The following ZDHHC17 variants were observed in gnomAD, a reference collection of about 807,000 sequenced individuals.
ZDHHC17 encodes zDHHC palmitoyltransferase 17.
In ZDHHC17, 40 loss-of-function variants were observed where a neutral mutation model predicts 90.3. The observed-to-expected ratio is 0.44, with a 90% CI of 0.34 to 0.58. The LOEUF is 0.58. Ranked by LOEUF, ZDHHC17 falls within the 20% of genes least tolerant of loss-of-function variation. The pLI, the probability that ZDHHC17 is intolerant of heterozygous loss-of-function variation, is 0.01. For synonymous variants in ZDHHC17, 235 were observed against 252.4 expected (o/e 0.93, Z 0.65); for missense variants, 614 against 780.8 (o/e 0.79, Z 2.55).
intron 16 of ZDHHC17, 115 bp from the exon 17 acceptor site, chr12:76,850,732 A>G: frequency 7.5e-7 from 1 of 1,325,542 alleles, no homozygotes; most frequent in Non-Finnish European, 1.0e-6. Flanking sequence ...TCTTGCAAGT[A>G]ACCTGAGTTT....
At position 76,842,108 on chromosome 12, in the gene ZDHHC17, T is replaced by C. The variant is rs1390800099; in HGVS notation, c.1266+2T>C. ...GCAACAGAAGAGCAAAAGAAAAAGGTAGCAAAATACCAACTAAGTCACTTG... is the reference window on the plus strand; with the variant it reads ...GCAACAGAAGAGCAAAAGAAAAAGGCAGCAAAATACCAACTAAGTCACTTG... On this transcript the variant is annotated splice_donor_variant, in intron 11 of 16. Coordinates refer to ENST00000426126, the MANE Select transcript of ZDHHC17 (RefSeq NM_015336.4). LOFTEE classifies it high-confidence loss of function. 1 of 1,570,868 alleles carries C rather than the reference T, an allele frequency of 6.4e-7. No homozygotes were observed. Among genetic ancestry groups the C allele is most frequent in the Non-Finnish European group, 8.6e-7 (1 of 1,162,244 alleles).
intron 11 of ZDHHC17, among the ~76,000 whole-genome samples, 200 bp from the exon 12 acceptor site, chr12:76,842,719 T>A (rs1479225182): frequency 6.6e-6 from 1 of 152,116 alleles, no homozygotes. Context: ...AATCCCCTTT[T>A]TTCTGGGCAG....
chr12:76,839,455 G>A lies in ZDHHC17; in HGVS notation c.1142-2527G>A, dbSNP rs542092416. Among the ~76,000 whole-genome samples, 144 of 152,196 alleles carry A rather than the reference G, an allele frequency of 9.5e-4. No homozygotes were observed. The South Asian group carries it at 0.014, about 15-fold the overall frequency. ...AGGCACTTGGTTTGTTTGATTTACTGTTTTTAATTCATTTTGCTGAGTATT... is the reference window on the plus strand; with the variant it reads ...AGGCACTTGGTTTGTTTGATTTACTATTTTTAATTCATTTTGCTGAGTATT... On this transcript the variant is annotated intron_variant, in intron 10 of 16. Transcript: ENST00000426126.
chr12:76,830,537 T>C (rs556712210), intron 10 of ZDHHC17, among the ~76,000 whole-genome samples: 1 of 152,310 alleles, frequency 6.6e-6, no homozygotes, highest in South Asian at 2.1e-4. Flanking sequence ...TAAAAATTGT[T>C]CCTCAAGGAT....
chr12:76,769,384 A>G (rs1345488206), intron 1 of ZDHHC17, among the ~76,000 whole-genome samples: 3 of 152,062 alleles, frequency 2.0e-5, no homozygotes, highest in Non-Finnish European at 4.4e-5. Flanking sequence ...TAGTGAAAAG[A>G]ATTTTGCCAT....
intron 12 of ZDHHC17, chr12:76,843,864 T>C (rs969840801): frequency 6.6e-6 from 1 of 152,136 alleles, no homozygotes; most frequent in Non-Finnish European, 1.5e-5. Flanking sequence ...GAAACAGTTC[T>C]AATTCTGAAA....
rs1592479485 is a variant in ZDHHC17 at position 76,808,915 on chromosome 12, T to C, written c.321-128T>C. 8 of 477,030 alleles carry C rather than the reference T, an allele frequency of 1.7e-5. No individual in the cohort carries two copies. In the East Asian group the frequency reaches 3.0e-4, roughly 18 times the overall value. The allele number at this position is 477,030 out of a possible 1,614,324, so 29.5% of individuals were successfully genotyped here. ...TGTTTTTTAAACAACCACAAAAGAT[T>C]ATTTATTTTCAAAGGTTCAAACTAG... On this transcript the variant is annotated intron_variant, in intron 3 of 16. Coordinates refer to ENST00000426126, the MANE Select transcript of ZDHHC17 (RefSeq NM_015336.4).
intron 3 of ZDHHC17, among the ~76,000 whole-genome samples, 188 bp from the exon 4 acceptor site, chr12:76,808,855 C>A (rs1281167342): frequency 6.6e-6 from 1 of 150,648 alleles, no homozygotes; most frequent in Non-Finnish European, 1.5e-5. Flanking sequence ...TATTCTAGAA[C>A]AAAAGAGGTA....
chr12:76,782,922 A>G (rs1019838222), intron 1 of ZDHHC17, among the ~76,000 whole-genome samples: 1 of 152,128 alleles, frequency 6.6e-6, no homozygotes, highest in East Asian at 1.9e-4. Context: ...AAACAACTTA[A>G]CAGAATTCCC....
At chr12:76,787,842 A>G (rs949857111) in intron 1 of ZDHHC17, among the ~76,000 whole-genome samples, 1 of 152,216 alleles carries the variant, frequency 6.6e-6, no homozygotes, top group Non-Finnish European at 1.5e-5. Context: ...TTTACACACT[A>G]CTTACCAAAC....
At chr12:76,849,340 AAC>A (rs753976108) in intron 15 of ZDHHC17, 34 bp from the exon 16 acceptor site, 8 of 1,131,988 alleles carry the variant, frequency 7.1e-6, no homozygotes, top group South Asian at 1.5e-5. Context: ...AAAAAAAAAA[AAC>A]AAGAATAATG....
chr12:76,816,509 A>G (rs1438708535), intron 7 of ZDHHC17, among the ~76,000 whole-genome samples: 3 of 152,066 alleles, frequency 2.0e-5, no homozygotes, highest in African/African-American at 4.8e-5. Context: ...TCTTTTAATC[A>G]TATGCATTCA....
chr12:76,819,206 T>C (rs558263526), intron 7 of ZDHHC17, among the ~76,000 whole-genome samples: 1 of 152,224 alleles, frequency 6.6e-6, no homozygotes, highest in South Asian at 2.1e-4. Flanking sequence ...GTGATAGGAA[T>C]TGGTTCTGTT....
At chr12:76,817,703 T>G (rs904120342) in intron 7 of ZDHHC17, among the ~76,000 whole-genome samples, 27 of 152,252 alleles carry the variant, frequency 1.8e-4, no homozygotes, top group African/African-American at 6.5e-4. Context: ...TGAAGACTTG[T>G]ACTTCTCATT....
At chr12:76,796,542 C>G (rs893815994) in intron 1 of ZDHHC17, among the ~76,000 whole-genome samples, 2 of 151,782 alleles carry the variant, frequency 1.3e-5, no homozygotes, top group Non-Finnish European at 2.9e-5. Flanking sequence ...TATATAAAAT[C>G]TTTTTAAAAG....
chr12:76,781,801 C>G (rs1952630209), intron 1 of ZDHHC17: 1 of 390,730 alleles, frequency 2.6e-6, no homozygotes, highest in Non-Finnish European at 5.1e-6. Flanking sequence ...AATGTAATAC[C>G]ATTTAGCAAT....
chr12:76,826,816 C>T (rs548650333), intron 8 of ZDHHC17, 92 bp from the exon 9 acceptor site: 23 of 1,294,814 alleles, frequency 1.8e-5, no homozygotes, highest in Non-Finnish European at 2.3e-5. Flanking sequence ...GAATTTCACC[C>T]GCTGTTGCAT....
intron 1 of ZDHHC17, among the ~76,000 whole-genome samples, chr12:76,775,803 C>T (rs1308798812): frequency 1.3e-5 from 2 of 152,128 alleles, no homozygotes; most frequent in Non-Finnish European, 2.9e-5. Flanking sequence ...AGAGCATGTA[C>T]ACTATTGTTA....
At chr12:76,780,947 G>A (rs1012031397) in intron 1 of ZDHHC17, among the ~76,000 whole-genome samples, 3 of 150,906 alleles carry the variant, frequency 2.0e-5, no homozygotes, top group Admixed American at 2.0e-4. Context: ...CTAACACAGT[G>A]AAACACCGTC....
Sources: gnomAD v4.1 joint callset for allele counts (sites outside exome capture counted in the v4.1 genomes callset) on GRCh38, gnomAD v4.1.1 for gene constraint, MANE v1.5 for transcripts, NCBI Gene and HGNC (gene_info 2026-07-23, HGNC 2026-07-21) for gene names.